The following CYB5A variants were observed in gnomAD, a reference collection of about 807,000 sequenced individuals.
CYB5A encodes cytochrome b5 type A.
Under a neutral mutation model 16.2 loss-of-function variants are expected in CYB5A, and 10 were observed. That is an observed-to-expected ratio of 0.62 (90% CI 0.38 to 1.04). The LOEUF is 1.04. CYB5A is among the 50% of genes least tolerant of loss of function. The pLI is 0.01. For synonymous variants in CYB5A, 62 were observed against 57.0 expected (o/e 1.09, Z -0.40); for missense variants, 161 against 165.9 (o/e 0.97, Z 0.16).
At chr18:74,263,091 G>A (rs1294602777) in intron 2 of CYB5A, among the ~76,000 whole-genome samples, 1 of 151,066 alleles carries the variant, frequency 6.6e-6, no homozygotes, top group African/African-American at 2.4e-5. Context: ...GAGGCTGCAG[G>A]GAGCCATGAT....
chr18:74,268,329 C>T (rs1326227694), intron 1 of CYB5A, among the ~76,000 whole-genome samples: 1 of 152,054 alleles, frequency 6.6e-6, no homozygotes, highest in East Asian at 1.9e-4. Flanking sequence ...TCAACAAGGG[C>T]CAAGAGGTGT....
intron 1 of CYB5A, among the ~76,000 whole-genome samples, chr18:74,279,166 G>A (rs1391689075): frequency 6.6e-6 from 1 of 152,216 alleles, no homozygotes; most frequent in African/African-American, 2.4e-5. Flanking sequence ...GGGCCCAGTG[G>A]TAGATGAGTG....
chr18:74,282,141 C>CAGTGACAT (rs1983136455), intron 1 of CYB5A, among the ~76,000 whole-genome samples: 1 of 152,194 alleles, frequency 6.6e-6, no homozygotes, highest in Non-Finnish European at 1.5e-5. Context: ...TGTCACAATC[C>CAGTGACAT]AGACTTTCAC....
At chr18:74,274,938 C>T (rs532088583) in intron 1 of CYB5A, among the ~76,000 whole-genome samples, 4 of 152,308 alleles carry the variant, frequency 2.6e-5, no homozygotes, top group African/African-American at 4.8e-5. Flanking sequence ...TGGCTGCAGC[C>T]GCCAGCTGGT....
intron 1 of CYB5A, among the ~76,000 whole-genome samples, chr18:74,287,708 T>C (rs1983371865): frequency 1.3e-5 from 2 of 152,182 alleles, no homozygotes; most frequent in Admixed American, 6.5e-5. Flanking sequence ...TTCTGCTTTA[T>C]AAAATTTTCC....
intron 1 of CYB5A, among the ~76,000 whole-genome samples, chr18:74,289,258 G>A (rs1202350107): frequency 7.2e-5 from 11 of 152,072 alleles, no homozygotes; most frequent in Admixed American, 2.6e-4. Flanking sequence ...AGTTTTTCTC[G>A]GAAAATTTTT....
chr18:74,291,806 T>C lies in CYB5A; in HGVS notation c.70A>G (p.Lys24Glu). The change falls in exon 1 of 5, where the codon AAG becomes GAG. Residue 24 changes from lysine (K) to glutamate (E), a missense_variant. Transcript: ENST00000340533. ...LEEIQKHNHS[K>E]STWLILHHKV... ...TGGTGCAGGATCAGCCAGGTGCTCT[T>C]GCTGTGGTTGTGCTTCTGAATCTCC... 15 of 1,613,922 alleles carry C rather than the reference T, an allele frequency of 9.3e-6. No homozygotes were observed. Among genetic ancestry groups the C allele is most frequent in the Non-Finnish European group, 1.3e-5 (15 of 1,179,850 alleles).
chr18:74,275,134 G>C (rs1280482699), intron 1 of CYB5A, among the ~76,000 whole-genome samples: 1 of 152,220 alleles, frequency 6.6e-6, no homozygotes, highest in Non-Finnish European at 1.5e-5. Flanking sequence ...TGCAGCACAG[G>C]AGGTACCCTT....
chr18:74,263,380 G>A lies in CYB5A; in HGVS notation c.227C>T (p.Ser76Phe), dbSNP rs377196293. 1 of 1,613,962 alleles carries A rather than the reference G, an allele frequency of 6.2e-7. No homozygotes were observed. Among genetic ancestry groups the A allele is most frequent in the Non-Finnish European group, 8.5e-7 (1 of 1,180,004 alleles). The change falls in exon 2 of 5, where the codon TCC (serine) becomes TTC (phenylalanine). Residue 76 changes from serine (S) to phenylalanine (F), a missense_variant. Physicochemically the swap from Ser to Phe is radical, Grantham distance 155. Coordinates refer to ENST00000340533, the MANE Select transcript of CYB5A (RefSeq NM_148923.4). The part of the protein sequence containing the change: ...VGHSTDAREM[S>F]KTFIIGELHP... ...GAGCTCCCCAATGATGAATGTTTTG[G>A]ACATTTCCCTGGCATCTGTAGAGTG...
At chr18:74,276,631 G>T (rs76887538) in intron 1 of CYB5A, among the ~76,000 whole-genome samples, 1 of 151,478 alleles carries the variant, frequency 6.6e-6, no homozygotes, top group African/African-American at 2.4e-5. Flanking sequence ...TATGCAAAAC[G>T]ACACTACAAT....
At chr18:74,271,994 G>C (rs1346130751) in intron 1 of CYB5A, among the ~76,000 whole-genome samples, 1 of 152,134 alleles carries the variant, frequency 6.6e-6, no homozygotes, top group Non-Finnish European at 1.5e-5. Context: ...CCTCTTTAAA[G>C]CTCCCCTTCT....
chr18:74,287,998 G>T (rs1029472481), intron 1 of CYB5A, among the ~76,000 whole-genome samples: 3 of 151,850 alleles, frequency 2.0e-5, no homozygotes, highest in Non-Finnish European at 2.9e-5. Flanking sequence ...CTAGAACTCA[G>T]GATTGAAAAA....
At chr18:74,282,589 C>T (rs1983160226) in intron 1 of CYB5A, among the ~76,000 whole-genome samples, 1 of 152,188 alleles carries the variant, frequency 6.6e-6, no homozygotes, top group Non-Finnish European at 1.5e-5. Context: ...CCGGGAGGGT[C>T]TAACTGCTAG....
chr18:74,272,656 C>A (rs1268294847), intron 1 of CYB5A, among the ~76,000 whole-genome samples: 2 of 152,092 alleles, frequency 1.3e-5, no homozygotes, highest in African/African-American at 4.8e-5. Context: ...CAGTGCCTCA[C>A]GCCTGTAATC....
At chr18:74,268,714 G>A (rs1268870930) in intron 1 of CYB5A, among the ~76,000 whole-genome samples, 1 of 152,052 alleles carries the variant, frequency 6.6e-6, no homozygotes, top group African/African-American at 2.4e-5. Context: ...TAAGGATGGT[G>A]GGAGAGACAG....
intron 4 of CYB5A, among the ~76,000 whole-genome samples, chr18:74,254,523 CTT>C (rs140770769): frequency 4.7e-4 from 67 of 144,046 alleles, no homozygotes; most frequent in East Asian, 8.2e-4. Context: ...CTATTTGAAT[CTT>C]TTTTTTTTTT....
chr18:74,275,707 C>A (rs553774195), intron 1 of CYB5A, among the ~76,000 whole-genome samples: 10 of 152,220 alleles, frequency 6.6e-5, no homozygotes, highest in African/African-American at 2.4e-4. Flanking sequence ...CAGCAAGCAA[C>A]AAGAGGAACA....
chr18:74,286,204 G>A (rs1983314743), intron 1 of CYB5A, among the ~76,000 whole-genome samples: 1 of 152,242 alleles, frequency 6.6e-6, no homozygotes, highest in South Asian at 2.1e-4. Context: ...GCAGCTTTGA[G>A]TTTCTTCTTT....
At chr18:74,258,347 C>T (rs183480000) in intron 3 of CYB5A, 11 of 152,102 alleles carry the variant, frequency 7.2e-5, no homozygotes, top group Middle Eastern at 3.2e-3. Flanking sequence ...GGTATTGCTA[C>T]GACTAATATT....
Sources: allele counts gnomAD v4.1 joint callset (sites outside exome capture counted in the v4.1 genomes callset), GRCh38; gene constraint gnomAD v4.1.1; transcripts MANE v1.5; gene names NCBI Gene and HGNC (gene_info 2026-07-23, HGNC 2026-07-21).